IFT80: variants seen among roughly 807,000 people sequenced by gnomAD.
The protein encoded by IFT80 is intraflagellar transport 80.
A neutral mutation model predicts 107.9 loss-of-function variants in IFT80; 79 were observed. That is an observed-to-expected ratio of 0.73 (90% CI 0.61 to 0.88). The LOEUF (loss-of-function observed/expected upper bound fraction) is 0.88. Ranked by LOEUF, IFT80 falls within the 40% of genes least tolerant of loss-of-function variation. IFT80 has a pLI of 0.00. For missense variants in IFT80, 797 were observed against 914.2 expected, an observed-to-expected ratio of 0.87 and a Z score of 1.65; for synonymous variants, 299 against 300.9, an observed-to-expected ratio of 0.99 and a Z score of 0.07.
At position 160,277,594 on chromosome 3, in the gene IFT80, G is replaced by C. The variant is rs751685555; in HGVS notation, c.1913C>G (p.Ala638Gly). 1.5e-5 allele frequency: 24 copies of C among 1,612,388 alleles called. No homozygotes were observed. The highest frequency in any genetic ancestry group is 2.0e-5 in the Non-Finnish European group (23 of 1,178,576). ...RDMTTAEIAY[A>G]AIGEIDKVQY... Reference sequence around the variant, plus strand: ...TTAATTACTTACTTCACCAATTGCTGCATAGGCTATTTCTGCAGTAGTCAT... The same window carrying C: ...TTAATTACTTACTTCACCAATTGCTCCATAGGCTATTTCTGCAGTAGTCAT... Residue 638 changes from alanine to glycine, a missense_variant, in exon 17 of 20, where the codon GCA (alanine) becomes GGA (glycine). Physicochemically the swap from Ala to Gly is moderately conservative, Grantham distance 60. Coordinates refer to ENST00000326448, the MANE Select transcript of IFT80 (RefSeq NM_020800.3).
intron 6 of IFT80, among the ~76,000 whole-genome samples, chr3:160,365,316 T>C (rs894562104): frequency 9.2e-5 from 14 of 152,128 alleles, no homozygotes; most frequent in African/African-American, 3.4e-4. Context: ...GTAAAATACA[T>C]ATAGCATAAT....
At chr3:160,333,758 C>T (rs1196765621) in intron 8 of IFT80, among the ~76,000 whole-genome samples, 1 of 152,106 alleles carries the variant, frequency 6.6e-6, no homozygotes, top group Admixed American at 6.5e-5. Context: ...CTATGTGAGG[C>T]TGTATTACAG....
intron 18 of IFT80, 86 bp downstream of exon 18, chr3:160,277,219 GT>G: frequency 1.8e-6 from 2 of 1,128,442 alleles, no homozygotes; most frequent in Non-Finnish European, 2.7e-6. Flanking sequence ...CTAAAATATA[GT>G]GGAAAATGTA....
chr3:160,338,332 A>G (rs1719643292), intron 8 of IFT80, among the ~76,000 whole-genome samples: 3 of 152,212 alleles, frequency 2.0e-5, no homozygotes, highest in African/African-American at 7.2e-5. Context: ...GGCTGGGTGC[A>G]GTGGCTCACG....
At chr3:160,327,346 C>CA (rs1353839759) in intron 8 of IFT80, among the ~76,000 whole-genome samples, 1 of 151,704 alleles carries the variant, frequency 6.6e-6, no homozygotes, top group African/African-American at 2.4e-5. Context: ...CATATGGAGC[C>CA]AAAAAAGAGC....
intron 19 of IFT80, among the ~76,000 whole-genome samples, chr3:160,267,019 C>T (rs1221219854): frequency 6.6e-6 from 1 of 152,050 alleles, no homozygotes; most frequent in Non-Finnish European, 1.5e-5. Flanking sequence ...CACTTCAGTA[C>T]TAAGCAGGTT....
intron 3 of IFT80, 81 bp downstream of exon 3, chr3:160,381,422 G>A (rs1179844187): frequency 6.4e-6 from 7 of 1,087,872 alleles, no homozygotes; most frequent in African/African-American, 6.3e-5. Context: ...TACCAGTTTT[G>A]TAAAACAACT....
intron 18 of IFT80, among the ~76,000 whole-genome samples, chr3:160,275,503 C>T (rs977152741): frequency 1.3e-5 from 2 of 152,182 alleles, no homozygotes; most frequent in Non-Finnish European, 2.9e-5. Flanking sequence ...AAACATTTTA[C>T]ATTACCTTTA....
intron 9 of IFT80, among the ~76,000 whole-genome samples, chr3:160,312,360 G>A (rs1311271994): frequency 6.6e-6 from 1 of 150,824 alleles, no homozygotes; most frequent in African/African-American, 2.4e-5. Flanking sequence ...TAGACCCCCA[G>A]GCTCTGATTT....
chr3:160,347,544 T>C (rs1216204800), intron 8 of IFT80, among the ~76,000 whole-genome samples: 1 of 152,108 alleles, frequency 6.6e-6, no homozygotes, highest in Non-Finnish European at 1.5e-5. Flanking sequence ...CACAAAATCA[T>C]CTAAAGAGGA....
chr3:160,325,313 G>A (rs1226184025), intron 8 of IFT80, among the ~76,000 whole-genome samples: 17 of 152,132 alleles, frequency 1.1e-4, no homozygotes, highest in Admixed American at 2.6e-4. Flanking sequence ...AAAAGAGCCC[G>A]CATCGCTAAG....
intron 8 of IFT80, among the ~76,000 whole-genome samples, chr3:160,324,714 G>A (rs201473602): frequency 1.1e-4 from 17 of 152,156 alleles, no homozygotes; most frequent in Middle Eastern, 3.4e-3. Context: ...CTTTGAAAAC[G>A]GGCACAGGAC....
intron 3 of IFT80, chr3:160,378,000 A>G (rs1281106399): frequency 1.3e-5 from 2 of 152,984 alleles, no homozygotes; most frequent in African/African-American, 2.4e-5. Context: ...TATTCTTTGC[A>G]CTGTTGACTT....
chr3:160,381,765 T>G (rs1338591964), intron 2 of IFT80, 41 bp from the exon 3 acceptor site: 1 of 1,478,734 alleles, frequency 6.8e-7, no homozygotes, highest in Non-Finnish European at 9.4e-7. Context: ...ACAAAAGTCT[T>G]TAATCTTAAT....
intron 19 of IFT80, among the ~76,000 whole-genome samples, chr3:160,266,980 T>C (rs918583280): frequency 7.2e-5 from 11 of 152,090 alleles, no homozygotes; most frequent in African/African-American, 2.7e-4. Flanking sequence ...TTTGTCCTAA[T>C]AGTAGAGTAT....
chr3:160,271,759 T>C (rs1384298670), intron 18 of IFT80, among the ~76,000 whole-genome samples: 1 of 152,148 alleles, frequency 6.6e-6, no homozygotes, highest in East Asian at 1.9e-4. Flanking sequence ...AGCAATCTAA[T>C]GTATTTAGCA....
chr3:160,340,982 T>C (rs1252178117), intron 8 of IFT80, among the ~76,000 whole-genome samples: 2 of 152,072 alleles, frequency 1.3e-5, no homozygotes, highest in Non-Finnish European at 2.9e-5. Context: ...TATTTAGATA[T>C]GAGCATAAAC....
chr3:160,360,771 G>A (rs1260099186), intron 6 of IFT80, among the ~76,000 whole-genome samples: 1 of 152,146 alleles, frequency 6.6e-6, no homozygotes, highest in African/African-American at 2.4e-5. Context: ...CTTCATAAGT[G>A]AAGGAGAAAT....
intron 8 of IFT80, among the ~76,000 whole-genome samples, chr3:160,334,428 CT>C (rs34377587): frequency 1.5e-3 from 208 of 141,792 alleles, no homozygotes; most frequent in Middle Eastern, 7.4e-3. Flanking sequence ...AATTGGCTCG[CT>C]TTTTTTTTTT....
Sources: allele counts gnomAD v4.1 joint callset (sites outside exome capture counted in the v4.1 genomes callset), GRCh38; gene constraint gnomAD v4.1.1; transcripts MANE v1.5; gene names NCBI Gene and HGNC (gene_info 2026-07-23, HGNC 2026-07-21).